The following ADAMTS9 variants were observed in gnomAD, a reference collection of about 807,000 sequenced individuals.
The protein encoded by ADAMTS9 is A disintegrin and metalloproteinase with thrombospondin motifs 9.
ADAMTS9 carries 107 observed loss-of-function variants against 257.1 expected under a neutral mutation model. That is an observed-to-expected ratio of 0.42 (90% CI 0.36 to 0.49). The LOEUF is 0.49. Ranked by LOEUF, ADAMTS9 falls within the 20% of genes least tolerant of loss-of-function variation. The pLI, the probability that ADAMTS9 is intolerant of heterozygous loss-of-function variation, is 0.03. For missense variants in ADAMTS9, 2,353 were observed against 2,469.1 expected, an observed-to-expected ratio of 0.95 and a Z score of 1.00; for synonymous variants, 982 against 880.9, an observed-to-expected ratio of 1.11 and a Z score of -2.03.
At chr3:64,603,873 C>T (rs1160071745) in intron 25 of ADAMTS9, 49 bp downstream of exon 25, 1 of 1,603,242 alleles carries the variant, frequency 6.2e-7, no homozygotes, top group East Asian at 2.2e-5. Context: ...CCTCATAGCC[C>T]TCAATGTTTC....
intron 4 of ADAMTS9, among the ~76,000 whole-genome samples, chr3:64,657,448 C>A (rs1701103959): frequency 6.6e-6 from 1 of 152,016 alleles, no homozygotes; most frequent in Non-Finnish European, 1.5e-5. Context: ...GAGATTCTCT[C>A]ACCTCAGCTC....
intron 39 of ADAMTS9, among the ~76,000 whole-genome samples, chr3:64,521,897 A>G: frequency 6.6e-6 from 1 of 152,216 alleles, no homozygotes; most frequent in Non-Finnish European, 1.5e-5. Flanking sequence ...AGTGTAACAA[A>G]CTTGCACATG....
At chr3:64,536,242 T>C (rs2083048558) in intron 37 of ADAMTS9, among the ~76,000 whole-genome samples, 1 of 152,202 alleles carries the variant, frequency 6.6e-6, no homozygotes. Flanking sequence ...TTTCAGCAAA[T>C]GTCCTAGCTG....
chr3:64,551,824 A>G (rs11130971), intron 30 of ADAMTS9, among the ~76,000 whole-genome samples: 98,349 of 152,052 alleles, frequency 0.65, 36,177 homozygotes, highest in Non-Finnish European at 0.85. Flanking sequence ...TTTCCATTCC[A>G]GGAAAGCATA....
chr3:64,604,137 C>T, intron 24 of ADAMTS9, 48 bp from the exon 25 acceptor site: 1 of 1,608,272 alleles, frequency 6.2e-7, no homozygotes, highest in Non-Finnish European at 8.5e-7. Flanking sequence ...GGAATGGCTG[C>T]TTACTGGACA....
intron 36 of ADAMTS9, 46 bp from the exon 37 acceptor site, chr3:64,539,340 G>C: frequency 6.6e-7 from 1 of 1,516,408 alleles, no homozygotes; most frequent in South Asian, 1.1e-5. Context: ...GTAAGAGTGG[G>C]AGAAAGGCAA....
At chr3:64,622,358 T>A in intron 17 of ADAMTS9, 31 bp from the exon 18 acceptor site, 2 of 1,611,908 alleles carry the variant, frequency 1.2e-6, no homozygotes, top group Non-Finnish European at 8.5e-7. Flanking sequence ...AGAAACGAAC[T>A]GGGTGGGCTT....
chr3:64,627,314 T>C (rs770718286), intron 16 of ADAMTS9, among the ~76,000 whole-genome samples: 29 of 152,000 alleles, frequency 1.9e-4, no homozygotes, highest in Non-Finnish European at 4.0e-4. Context: ...GGAGCACAAA[T>C]GATATCGGAT....
At chr3:64,615,195 A>AT in intron 21 of ADAMTS9, 126 bp downstream of exon 21, 1 of 1,147,086 alleles carries the variant, frequency 8.7e-7, no homozygotes, top group Non-Finnish European at 1.2e-6. Context: ...TGTTTTCTCA[A>AT]GGGAGACAAG....
chr3:64,615,819 G>T (rs2084751336), intron 20 of ADAMTS9, 141 bp downstream of exon 20: 1 of 994,342 alleles, frequency 1.0e-6, no homozygotes, highest in Admixed American at 2.0e-5. Context: ...ATTCTGGAAA[G>T]CTTGAATGGG....
chr3:64,610,043 T>G (rs2084636755), intron 22 of ADAMTS9, among the ~76,000 whole-genome samples: 2 of 152,156 alleles, frequency 1.3e-5, no homozygotes, highest in African/African-American at 2.4e-5. Flanking sequence ...GCAAGTGGTG[T>G]TGAGACAACT....
At chr3:64,568,049 T>A (rs1050286023) in intron 29 of ADAMTS9, among the ~76,000 whole-genome samples, 1 of 152,124 alleles carries the variant, frequency 6.6e-6, no homozygotes, top group Non-Finnish European at 1.5e-5. Flanking sequence ...AGTTAGTAGT[T>A]TTCTATGTGG....
chr3:64,598,960 A>G (rs2084411047), intron 26 of ADAMTS9, among the ~76,000 whole-genome samples: 1 of 151,862 alleles, frequency 6.6e-6, no homozygotes, highest in Non-Finnish European at 1.5e-5. Context: ...TGGAAGAAAC[A>G]GCTCTAGAAA....
chr3:64,588,058 G>GT (rs1345029580), intron 28 of ADAMTS9: 27 of 152,082 alleles, frequency 1.8e-4, no homozygotes, highest in African/African-American at 6.3e-4. Context: ...CCAATAGGAG[G>GT]TTTTTAAAAG....
rs1315183941 is a variant in ADAMTS9, at chr3:64,603,996, G to C, written c.3673C>G (p.Leu1225Val). ...TCTTCCTTTGCCACTGGTCTAGGCA[G>C]GGTAGCACAGGCACTCTCGTCAGCC... is the stretch of plus-strand genomic sequence containing the variant. ...SVADESACAT[L>V]PRPVAKEECS... Residue 1225 changes from leucine to valine, a missense_variant, in exon 25 of 40, where the codon CTG becomes GTG. Coordinates refer to ENST00000498707, the MANE Select transcript of ADAMTS9 (RefSeq NM_182920.2). The C allele has an allele frequency of 1.9e-6, 3 of 1,614,064 alleles. No individual in the cohort carries two copies. In the East Asian group the frequency reaches 6.7e-5, roughly 36 times the overall value.
chr3:64,678,888 C>T (rs1390076321), intron 3 of ADAMTS9, among the ~76,000 whole-genome samples: 1 of 152,126 alleles, frequency 6.6e-6, no homozygotes, highest in Admixed American at 6.5e-5. Context: ...CAGCAGCAAC[C>T]TTTGGAAGAG....
intron 32 of ADAMTS9, among the ~76,000 whole-genome samples, chr3:64,542,220 T>TACACACACAC (rs60208170): frequency 7.5e-6 from 1 of 133,074 alleles, no homozygotes; most frequent in Admixed American, 7.2e-5. Context: ...TGTGTAATTT[T>TACACACACAC]ACACACACAC....
intron 29 of ADAMTS9, chr3:64,565,802 A>G (rs1250378395): frequency 6.6e-6 from 1 of 152,172 alleles, no homozygotes; most frequent in African/African-American, 2.4e-5. Flanking sequence ...ATGAAATGTA[A>G]TCTTTTTGGA....
intron 32 of ADAMTS9, among the ~76,000 whole-genome samples, chr3:64,544,059 G>A (rs2083164257): frequency 6.6e-6 from 1 of 152,176 alleles, no homozygotes; most frequent in Non-Finnish European, 1.5e-5. Context: ...ACTTACAAGG[G>A]ATGTGAAGGA....
Sources: gnomAD v4.1 joint callset for allele counts (sites outside exome capture counted in the v4.1 genomes callset) on GRCh38, gnomAD v4.1.1 for gene constraint, MANE v1.5 for transcripts, NCBI Gene and HGNC (gene_info 2026-07-23, HGNC 2026-07-21) for gene names.